The following PKD1 variants were observed in gnomAD, a reference collection of about 807,000 sequenced individuals.
PKD1 encodes the protein polycystin-1.
A neutral mutation model predicts 361.7 loss-of-function variants in PKD1; 81 were observed. The observed-to-expected ratio is 0.22, with a 90% confidence interval of 0.19 to 0.27. PKD1 has a LOEUF of 0.27. Among genes scored for constraint, PKD1 ranks in the 10% least tolerant of loss-of-function variants. PKD1 has a pLI of 1.00. For synonymous variants in PKD1, 3,615 were observed against 2,818.3 expected, an observed-to-expected ratio of 1.28 and a Z score of -8.95; for missense variants, 6,399 against 6,118.3, an observed-to-expected ratio of 1.05 and a Z score of -1.53.
rs1240899915 is a variant in PKD1, at chr16:2,090,748, C to G, written c.12064G>C (p.Ala4022Pro). 6.2e-7 allele frequency: 1 copy of G among 1,612,678 alleles called. No individual in the cohort carries two copies. The highest frequency in any genetic ancestry group is 8.5e-7 in the Non-Finnish European group (1 of 1,179,974). ...GTGACCCCCAGGAGCTCTGGCAGAG[C>G]TCGGCATAATGTCTTGCCAAAGACG... The part of the protein sequence containing the change: ...WSVFGKTLCR[A>P]LPELLGVTLG... Residue 4022 changes from alanine to proline, a missense_variant, in exon 44 of 46, where the codon GCT becomes CCT. Coordinates refer to ENST00000262304, the MANE Select transcript of PKD1 (RefSeq NM_001009944.3).
chr16:2,109,124 C>T lies in PKD1; in HGVS notation c.6043G>A (p.Gly2015Ser). 1 of 1,603,464 alleles carries T rather than the reference C, an allele frequency of 6.2e-7. No homozygotes were observed. The highest frequency in any genetic ancestry group is 8.5e-7 in the Non-Finnish European group (1 of 1,174,868). ...AWYFSLQKVQ[G>S]DSLVILSGRD... is the part of the protein sequence containing the mutation. ...CCCGACAGGATGACCAGCGAGTCGCCCTGGACCTTCTGCAGCGAGAAGTAC... is the reference window on the plus strand; with the variant it reads ...CCCGACAGGATGACCAGCGAGTCGCTCTGGACCTTCTGCAGCGAGAAGTAC... Residue 2015 changes from glycine to serine, a missense_variant, in exon 15 of 46, where the codon GGC becomes AGC. Transcript: ENST00000262304.
rs956796992 is a variant in PKD1, at chr16:2,089,616, G to A, written c.*111C>T. 1.7e-5 allele frequency: 23 copies of A among 1,341,332 alleles called. No individual in the cohort carries two copies. The highest frequency in any genetic ancestry group is 2.3e-5 in the Non-Finnish European group (22 of 969,770). 83.1% of individuals were successfully genotyped at this position (1,341,332 alleles called of 1,614,324 possible). ...GACAGATGCCCCTGCCTGCTCTCTG[G>A]GGAACCTACGTGCAGCCATTCTGCC... is the stretch of plus-strand genomic sequence containing the variant. On this transcript the variant is annotated 3_prime_UTR_variant, in exon 46 of 46. Coordinates refer to ENST00000262304, the MANE Select transcript of PKD1 (RefSeq NM_001009944.3).
intron 1 of PKD1, chr16:2,135,155 C>T (rs2092935668): frequency 1.0e-6 from 1 of 973,502 alleles, no homozygotes; most frequent in Non-Finnish European, 1.2e-6. Context: ...CCCCGCAGCC[C>T]CAGGCCGCAT....
In PKD1 at chr16:2,107,987, T is replaced by G; in HGVS notation, c.6961A>C (p.Ser2321Arg). 1 of 1,548,268 alleles carries G rather than the reference T, an allele frequency of 6.5e-7. No homozygotes were observed. The highest frequency in any genetic ancestry group is 8.7e-7 in the Non-Finnish European group (1 of 1,147,130). The change falls in exon 16 of 46, where the codon AGC (serine) becomes CGC (arginine). Residue 2321 changes from serine (S) to arginine (R), a missense_variant. Ser to Arg is a moderately radical substitution (Grantham distance 110, BLOSUM62 -1). Coordinates refer to ENST00000262304, the MANE Select transcript of PKD1 (RefSeq NM_001009944.3). ...CALNFGPRGS[S>R]TVTIPRERLA... Reference sequence around the variant, plus strand: ...CGCTCCCGTGGAATGGTGACCGTGCTGCTCCCGCGGGGCCCAAAGTTCAGC... The same window carrying G: ...CGCTCCCGTGGAATGGTGACCGTGCGGCTCCCGCGGGGCCCAAAGTTCAGC...
rs776605199 is a variant in PKD1 at position 2,089,768 on chromosome 16, G to GT, written c.12870dup (p.Pro4291ThrfsTer95). 4 of 1,596,078 alleles carry GT rather than the reference G, an allele frequency of 2.5e-6. No homozygotes were observed. The African/African-American group carries it at 5.3e-5, about 21-fold the overall frequency. The stretch of plus-strand genomic sequence containing the variant: ...TGGACCTTGTTCTTGGCCCGAAGGG[G>GT]TGTCCTGCTGGGGCCAGTGGCCAGG... On this transcript the variant is annotated frameshift_variant, in exon 46 of 46. Coordinates refer to ENST00000262304, the MANE Select transcript of PKD1 (RefSeq NM_001009944.3). LOFTEE classifies it high-confidence loss of function.
rs1275998000 is a variant in PKD1 at position 2,117,051 on chromosome 16, C to G, written c.1388G>C (p.Ser463Thr). Residue 463 changes from serine (S) to threonine (T), a missense_variant and splice_region_variant, in exon 7 of 46, where the codon AGC becomes ACC. Ser to Thr is a moderately conservative substitution (Grantham distance 58, BLOSUM62 1). Transcript: ENST00000262304. ...QRFLVSRVTRSLDVWIGFSTV... is the reference protein window; with the variant it reads ...QRFLVSRVTRTLDVWIGFSTV... ...CGAGAAGCCGATCCACACGTCTAGG[C>G]TCCTGGGGGCGGGTGTGGGATGGCA... is the stretch of plus-strand genomic sequence containing the variant. The G allele has an allele frequency of 1.9e-6, 3 of 1,567,488 alleles. No individual in the cohort carries two copies. The highest frequency in any genetic ancestry group is 8.6e-7 in the Non-Finnish European group (1 of 1,157,386).
At chr16:2,091,367 G>A (rs2091563443) in intron 42 of PKD1, 56 bp downstream of exon 42, 5 of 957,776 alleles carry the variant, frequency 5.2e-6, no homozygotes, top group African/African-American at 1.9e-5. Context: ...GGGGCCCCGC[G>A]AGGGGGCGGG....
At position 2,110,116 on chromosome 16, in the gene PKD1, G is replaced by A. The variant is rs139520275; in HGVS notation, c.5051C>T (p.Ser1684Leu). The A allele has an allele frequency of 1.9e-3, 3,004 of 1,609,580 alleles. 52 individuals carry two copies. The African/African-American group carries it at 0.033, about 18-fold the overall frequency. ...PALAGSGKGF[S>L]LTVLEAGTYH... ...GGTGCCGGCCTCGAGCACGGTGAGC[G>A]AGAAGCCTTTGCCGCTGCCGGCCAG... The change falls in exon 15 of 46, where the codon TCG becomes TTG. Residue 1684 changes from serine to leucine, a missense_variant. Physicochemically the swap from Ser to Leu is moderately radical, Grantham distance 145. Transcript: ENST00000262304.
chr16:2,108,110 C>T (rs901814144), intron 15 of PKD1, 78 bp from the exon 16 acceptor site: 27 of 1,529,524 alleles, frequency 1.8e-5, no homozygotes, highest in East Asian at 6.9e-5. Flanking sequence ...CAGGAGACAG[C>T]GCGGGAGACC....
chr16:2,129,595 G>A (rs1226415123), intron 1 of PKD1, among the ~76,000 whole-genome samples: 1 of 134,590 alleles, frequency 7.4e-6, no homozygotes, highest in African/African-American at 2.9e-5. Context: ...CTGTGACCCA[G>A]CCTGGAGTGC....
chr16:2,095,366 T>A (rs1364132419), intron 34 of PKD1: 1 of 152,110 alleles, frequency 6.6e-6, no homozygotes, highest in Non-Finnish European at 1.5e-5. Flanking sequence ...TGAGCCGAGA[T>A]CATGCGACTG....
chr16:2,119,212 G>A, intron 2 of PKD1, 27 bp from the exon 3 acceptor site: 4 of 1,526,162 alleles, frequency 2.6e-6, no homozygotes, highest in Non-Finnish European at 3.6e-6. Context: ...ATTCGGCAAA[G>A]CTGATGGAAG....
chr16:2,091,325 G>A (rs2091551449), intron 42 of PKD1, 98 bp downstream of exon 42: 1 of 559,002 alleles, frequency 1.8e-6, no homozygotes, highest in Non-Finnish European at 2.3e-6. Flanking sequence ...CGAGGGGGCG[G>A]GGCGCTGCGA....
chr16:2,098,302 G>A (rs918781545), intron 30 of PKD1: 60 of 421,666 alleles, frequency 1.4e-4, no homozygotes, highest in Admixed American at 9.1e-4. Flanking sequence ...TCCACCTCCC[G>A]CGTTCAGGCG....
chr16:2,091,320 G>T, intron 42 of PKD1, 103 bp downstream of exon 42: 2 of 473,252 alleles, frequency 4.2e-6, no homozygotes, highest in South Asian at 9.0e-5. Context: ...CGCTGCGAGG[G>T]GGCGGGGCGC....
chr16:2,093,419 G>C, intron 37 of PKD1, 125 bp downstream of exon 37: 1 of 923,656 alleles, frequency 1.1e-6, no homozygotes, highest in South Asian at 1.6e-5. Context: ...AAAGGCTGCA[G>C]AGCATTGAAC....
intron 1 of PKD1, 23 bp downstream of exon 1, chr16:2,135,452 G>C (rs1175998184): frequency 5.1e-6 from 6 of 1,165,630 alleles, no homozygotes; most frequent in Middle Eastern, 3.5e-4. Flanking sequence ...CCTCTCCCGG[G>C]TGCCGCTGGG....
chr16:2,092,454 T>C, intron 39 of PKD1, 26 bp downstream of exon 39: 1 of 1,463,130 alleles, frequency 6.8e-7, no homozygotes, highest in Non-Finnish European at 9.6e-7. Flanking sequence ...ACGATTTAAG[T>C]CTTGGGGCAC....
rs375576827 is a variant in PKD1, at chr16:2,105,456, C to A, written c.7882G>T (p.Val2628Leu). 1.3e-6 allele frequency: 2 copies of A among 1,594,466 alleles called. No homozygotes were observed. The highest frequency in any genetic ancestry group is 3.3e-5 in the Admixed American group (2 of 59,990). The part of the protein sequence containing the change: ...VLNEYERALD[V>L]AAEPKHERQH... ...CGCTCGTGCTTGGGCTCTGCCGCCA[C>A]GTCCAGGGCCCGCTCGTACTGGGGC... Residue 2628 changes from valine to leucine, a missense_variant, in exon 21 of 46, where the codon GTG (valine) becomes TTG (leucine). Coordinates refer to ENST00000262304, the MANE Select transcript of PKD1 (RefSeq NM_001009944.3).
Sources: gnomAD v4.1 joint callset for allele counts (sites outside exome capture counted in the v4.1 genomes callset) on GRCh38, gnomAD v4.1.1 for gene constraint, MANE v1.5 for transcripts, NCBI Gene and HGNC (gene_info 2026-07-23, HGNC 2026-07-21) for gene names.